PIK3IP1: variants seen among roughly 807,000 people sequenced by gnomAD.
The protein encoded by PIK3IP1 is phosphoinositide-3-kinase interacting protein 1.
PIK3IP1 carries 28 observed loss-of-function variants against 30.7 expected under a neutral mutation model. That is an observed-to-expected ratio of 0.91 (90% CI 0.68 to 1.25). PIK3IP1 has a LOEUF of 1.25. Ranked by LOEUF, PIK3IP1 falls within the 50% of genes most tolerant of loss-of-function variation. PIK3IP1 has a pLI of 0.00. For synonymous variants in PIK3IP1, 159 were observed against 140.8 expected (o/e 1.13, Z -0.91); for missense variants, 333 against 346.2 (o/e 0.96, Z 0.30).
At chr22:31,287,049 C>G (rs1436344160) in intron 5 of PIK3IP1, among the ~76,000 whole-genome samples, 2 of 120,654 alleles carry the variant, frequency 1.7e-5, no homozygotes, top group African/African-American at 6.3e-5. Context: ...GAGACAGCAT[C>G]TCACTCTGTC....
intron 5 of PIK3IP1, among the ~76,000 whole-genome samples, chr22:31,285,926 A>G (rs2049127664): frequency 6.6e-6 from 1 of 152,160 alleles, no homozygotes; most frequent in Non-Finnish European, 1.5e-5. Flanking sequence ...TAATCCCAAC[A>G]CTTTGGGAGG....
rs377645939 is a variant in PIK3IP1, at chr22:31,292,286, T to C, written c.59A>G (p.Tyr20Cys). The C allele has an allele frequency of 5.6e-6, 9 of 1,614,006 alleles. No individual in the cohort carries two copies. The African/African-American group carries it at 6.7e-5, about 12-fold the overall frequency. Residue 20 changes from tyrosine to cysteine, a missense_variant, in exon 1 of 6, where the codon TAT (tyrosine) becomes TGT (cysteine). By Grantham distance (194) the Tyr-to-Cys change is radical. Transcript: ENST00000215912. ...LVSNMLLAEA[Y>C]GSGGCFWDNG... ...GATTGTAATCTCACCTCCAGATCCA[T>C]AGGCTTCTGCTAGGAGCATGTTGCT...
rs191048625 is a variant in PIK3IP1 at position 31,282,578 on chromosome 22, C to T, written c.*506G>A. ...CAAAGTTCTGACTTCTGTACAAACT[C>T]GTTTCCAGTTCTCAGAGGTCAGTAG... On this transcript the variant is annotated 3_prime_UTR_variant, in exon 6 of 6. Coordinates refer to ENST00000215912, the MANE Select transcript of PIK3IP1 (RefSeq NM_052880.5). 2 of 154,488 alleles carry T rather than the reference C, an allele frequency of 1.3e-5. No homozygotes were observed. Among genetic ancestry groups the T allele is most frequent in the Non-Finnish European group, 2.9e-5 (2 of 69,134 alleles). 9.6% of individuals were successfully genotyped at this position (154,488 alleles called of 1,614,324 possible). A position where few individuals can be genotyped will look rare whatever the true frequency, so the allele number is the denominator to read the frequency against.
chr22:31,284,496 G>C (rs1178901714), intron 5 of PIK3IP1, among the ~76,000 whole-genome samples: 2 of 152,220 alleles, frequency 1.3e-5, no homozygotes, highest in Non-Finnish European at 2.9e-5. Context: ...AATGGTGCCT[G>C]TGAGTCCTAG....
At chr22:31,289,979 C>T in intron 3 of PIK3IP1, 1 of 369,302 alleles carries the variant, frequency 2.7e-6, no homozygotes, top group Non-Finnish European at 5.0e-6. Flanking sequence ...CCCAAGGCCC[C>T]TCTCGGTTGC....
chr22:31,283,005 A>G lies in PIK3IP1; in HGVS notation c.*79T>C. On this transcript the variant is annotated 3_prime_UTR_variant, in exon 6 of 6. Coordinates refer to ENST00000215912, the MANE Select transcript of PIK3IP1 (RefSeq NM_052880.5). ...TGGTAGGGTTTTAACCAGAACACAAAGTGGTAGTTCCTCCTAGCTGTAGGA... is the reference window on the plus strand; with the variant it reads ...TGGTAGGGTTTTAACCAGAACACAAGGTGGTAGTTCCTCCTAGCTGTAGGA... 1 of 1,135,000 alleles carries G rather than the reference A, an allele frequency of 8.8e-7. No individual in the cohort carries two copies. Among genetic ancestry groups the G allele is most frequent in the Non-Finnish European group, 1.3e-6 (1 of 796,368 alleles). The allele number at this position is 1,135,000 out of a possible 1,614,324, so 70.3% of individuals were successfully genotyped here. A position where few individuals can be genotyped will look rare whatever the true frequency, so the allele number is the denominator to read the frequency against.
Position 31,282,791 on chromosome 22 carries a change from G to A in PIK3IP1, c.*293C>T. The A allele has an allele frequency of 2.7e-6, 1 of 375,468 alleles. No individual in the cohort carries two copies. The highest frequency in any genetic ancestry group is 5.0e-6 in the Non-Finnish European group (1 of 200,750). The allele number at this position is 375,468 out of a possible 1,614,324, so 23.3% of individuals were successfully genotyped here. ...CTATCCCTGGTTCAGTTCCAGGGGT[G>A]CAGGCAATGTTTGGAAGCCCTTAGC... On this transcript the variant is annotated 3_prime_UTR_variant, in exon 6 of 6. Transcript: ENST00000215912.
rs763729784 is a variant in PIK3IP1 at position 31,291,315 on chromosome 22, C to A, written c.71-19G>T. On this transcript the variant is annotated intron_variant, in intron 1 of 5. Transcript: ENST00000215912. ...AAACAGCCTGTGAGGAAAAGAAGCCCCCGGACACAGAATAGCGGGCAGCGA... is the reference window on the plus strand; with the variant it reads ...AAACAGCCTGTGAGGAAAAGAAGCCACCGGACACAGAATAGCGGGCAGCGA... 1 of 1,553,748 alleles carries A rather than the reference C, an allele frequency of 6.4e-7. No individual in the cohort carries two copies. The highest frequency in any genetic ancestry group is 1.9e-5 in the Admixed American group (1 of 51,630).
In PIK3IP1 at chr22:31,292,203, GT is replaced by G. The variant is rs2049185838; in HGVS notation, c.70+71del. 4.1e-6 allele frequency: 6 copies of G among 1,474,412 alleles called. No homozygotes were observed. In the East Asian group the frequency reaches 1.1e-4, roughly 28 times the overall value. The allele number at this position is 1,474,412 out of a possible 1,614,324, so 91.3% of individuals were successfully genotyped here. On this transcript the variant is annotated intron_variant, in intron 1 of 5. Coordinates refer to ENST00000215912, the MANE Select transcript of PIK3IP1 (RefSeq NM_052880.5). Reference sequence around the variant, plus strand: ...CTTCGTTTCCTGTCATCCTGGCCCTGTTTGGGAAATAGGGGGCTTTACCCCT... The same window carrying G: ...CTTCGTTTCCTGTCATCCTGGCCCTGTTGGGAAATAGGGGGCTTTACCCCT...
chr22:31,285,756 C>T (rs1315540410), intron 5 of PIK3IP1, among the ~76,000 whole-genome samples: 1 of 152,188 alleles, frequency 6.6e-6, no homozygotes, highest in Non-Finnish European at 1.5e-5. Context: ...GCTGGAGATA[C>T]TAATACTCCT....
upstream of PIK3IP1, chr22:31,292,517 G>C: frequency 1.5e-5 from 9 of 602,928 alleles, 1 homozygote; most frequent in South Asian, 1.8e-4. Context: ...TTGCTGCAGC[G>C]CGAGCTGTTT....
At chr22:31,289,465 T>C (rs1205234327) in intron 4 of PIK3IP1, 34 bp downstream of exon 4, 2 of 1,551,068 alleles carry the variant, frequency 1.3e-6, no homozygotes. Flanking sequence ...TCTTGATGAA[T>C]CCCAACGAGG....
At chr22:31,290,729 C>T (rs2068323147) in intron 3 of PIK3IP1, 2 of 548,806 alleles carry the variant, frequency 3.6e-6, no homozygotes, top group Non-Finnish European at 6.0e-6. Context: ...CTAGCCTCAC[C>T]CCAGCCTCGC....
chr22:31,290,794 G>T, intron 3 of PIK3IP1, 171 bp downstream of exon 3: 2 of 961,860 alleles, frequency 2.1e-6, no homozygotes, highest in Non-Finnish European at 2.9e-6. Context: ...GAGTGGCGGC[G>T]GCGGCCAATA....
chr22:31,291,317 C>CTGTGA, intron 1 of PIK3IP1, 21 bp from the exon 2 acceptor site: 1 of 1,551,636 alleles, frequency 6.4e-7, no homozygotes. Flanking sequence ...AAGAAGCCCC[C>CTGTGA]GGACACAGAA....
In PIK3IP1 at chr22:31,282,657, C is replaced by T. The variant is rs562635077; in HGVS notation, c.*427G>A. ...TAAATATATTTTTTCAATGCCATCC[C>T]TTGACCTGCTTTACCTTAACCATGA... is the stretch of plus-strand genomic sequence containing the variant. On this transcript the variant is annotated 3_prime_UTR_variant, in exon 6 of 6. Coordinates refer to ENST00000215912, the MANE Select transcript of PIK3IP1 (RefSeq NM_052880.5). 107 of 163,690 alleles carry T rather than the reference C, an allele frequency of 6.5e-4. 5 individuals are homozygous for T. In the South Asian group the frequency reaches 0.013, roughly 19 times the overall value. 10.1% of individuals were successfully genotyped at this position (163,690 alleles called of 1,614,324 possible). A position where few individuals can be genotyped will look rare whatever the true frequency, so the allele number is the denominator to read the frequency against.
chr22:31,290,625 G>A, intron 3 of PIK3IP1: 1 of 230,902 alleles, frequency 4.3e-6, no homozygotes, highest in Non-Finnish European at 8.4e-6. Flanking sequence ...GGGGTTGTGA[G>A]CAGTGTGGGT....
In PIK3IP1 at chr22:31,283,250, C is replaced by G. The variant is rs762902557; in HGVS notation, c.626G>C (p.Cys209Ser). The G allele has an allele frequency of 9.9e-6, 16 of 1,614,106 alleles. No individual in the cohort carries two copies. In the Admixed American group the frequency reaches 1.2e-4, roughly 12 times the overall value. ...DLKEQHDQKVCEREMQRITLP... is the reference protein window; with the variant it reads ...DLKEQHDQKVSEREMQRITLP... ...AGTGATTCGCTGCATCTCCCTCTCACATACTTTCTGATCATGCTGTTCTTT... is the reference window on the plus strand; with the variant it reads ...AGTGATTCGCTGCATCTCCCTCTCAGATACTTTCTGATCATGCTGTTCTTT... The change falls in exon 6 of 6, where the codon TGT becomes TCT. Residue 209 changes from cysteine to serine, a missense_variant. Transcript: ENST00000215912.
chr22:31,290,880 C>T (rs1456377536), intron 3 of PIK3IP1, 85 bp downstream of exon 3: 4 of 1,443,734 alleles, frequency 2.8e-6, no homozygotes, highest in African/African-American at 3.0e-5. Context: ...CGGCCGGCAT[C>T]GCGCGGCCGC....
Sources: allele counts gnomAD v4.1 joint callset (sites outside exome capture counted in the v4.1 genomes callset), GRCh38; gene constraint gnomAD v4.1.1; transcripts MANE v1.5; gene names NCBI Gene and HGNC (gene_info 2026-07-23, HGNC 2026-07-21).